Variants in POLR1A observed in about 807,000 individuals in gnomAD.
POLR1A encodes the protein RNA polymerase I subunit A.
POLR1A carries 84 observed loss-of-function variants against 205.3 expected under a neutral mutation model. The observed-to-expected ratio is 0.41, with a 90% CI of 0.34 to 0.49. POLR1A has a LOEUF of 0.49. POLR1A is among the 20% of genes least tolerant of loss of function. POLR1A has a pLI of 0.22. For missense variants in POLR1A, 1,645 were observed against 2,204.5 expected (o/e 0.75, Z 5.08); for synonymous variants, 799 against 863.7 (o/e 0.93, Z 1.31).
intron 3 of POLR1A, among the ~76,000 whole-genome samples, chr2:86,092,686 G>A (rs1160953614): frequency 2.6e-5 from 4 of 152,156 alleles, no homozygotes; most frequent in Admixed American, 6.5e-5. Context: ...TTAGCTGGGC[G>A]TGGTAGCATA....
intron 13 of POLR1A, among the ~76,000 whole-genome samples, chr2:86,068,815 C>T (rs996486138): frequency 1.3e-5 from 2 of 152,188 alleles, no homozygotes; most frequent in South Asian, 2.1e-4. Context: ...GAAAAGGGTC[C>T]GGGATGCCGG....
chr2:86,099,350 C>T (rs1242786138), intron 2 of POLR1A, among the ~76,000 whole-genome samples: 2 of 144,038 alleles, frequency 1.4e-5, no homozygotes, highest in Non-Finnish European at 3.0e-5. Context: ...GAATGAGACA[C>T]TGTCTTAAAA....
chr2:86,033,889 G>T, intron 27 of POLR1A, 102 bp from the exon 28 acceptor site: 2 of 1,416,496 alleles, frequency 1.4e-6, no homozygotes, highest in South Asian at 2.6e-5. Context: ...CAGGGGATCA[G>T]TGCACGAGAT....
At chr2:86,086,944 C>A (rs1370720488) in intron 6 of POLR1A, among the ~76,000 whole-genome samples, 6 of 152,202 alleles carry the variant, frequency 3.9e-5, no homozygotes, top group African/African-American at 1.2e-4. Flanking sequence ...TCCACTCTTA[C>A]AGTGTTAACT....
At position 86,036,446 on chromosome 2, in the gene POLR1A, C is replaced by A. The variant is rs553099235; in HGVS notation, c.4034+2254G>T. Among the ~76,000 whole-genome samples, 6 of 151,820 alleles carry A rather than the reference C, an allele frequency of 4.0e-5. No individual in the cohort carries two copies. The South Asian group carries it at 8.3e-4, about 21-fold the overall frequency. On this transcript the variant is annotated intron_variant, in intron 27 of 33. Coordinates refer to ENST00000263857, the MANE Select transcript of POLR1A (RefSeq NM_015425.6). ...TTTTTCTCCAGGCTCTGTCAAGGGT[C>A]TCATGACTCCACAGCTGGGAGAAGG... is the stretch of plus-strand genomic sequence containing the variant.
At position 86,031,437 on chromosome 2, in the gene POLR1A, C is replaced by T; in HGVS notation, c.4471G>A (p.Glu1491Lys). The change falls in exon 30 of 34, where the codon GAG becomes AAG. Residue 1491 changes from glutamate (E) to lysine (K), a missense_variant. This residue lies in a region of POLR1A where 394 missense variants were observed against 468.5 expected (regional missense o/e 0.84). Transcript: ENST00000263857. ...TCCATGGCCTCGGGCCCCTGGGGCT[C>T]CTGGCTGTGGGTGGGTTTCCGGGGC... ...TQPRKPTHSQ[E>K]PQGPEAMERR... 1.9e-6 allele frequency: 3 copies of T among 1,614,062 alleles called. No individual in the cohort carries two copies. The highest frequency in any genetic ancestry group is 1.6e-4 in the Middle Eastern group (1 of 6,062).
At chr2:86,100,940 C>T (rs1420374867) in intron 1 of POLR1A, among the ~76,000 whole-genome samples, 1 of 152,078 alleles carries the variant, frequency 6.6e-6, no homozygotes, top group Non-Finnish European at 1.5e-5. Flanking sequence ...TGATTGAATC[C>T]AGGTGACACA....
At position 86,027,613 on chromosome 2, in the gene POLR1A, G is replaced by A. The variant is rs76172023; in HGVS notation, c.5063-90C>T. The A allele has an allele frequency of 8.1e-4, 959 of 1,185,230 alleles. 9 individuals are homozygous for A. The African/African-American group carries it at 0.013, about 16-fold the overall frequency. 73.4% of individuals were successfully genotyped at this position (1,185,230 alleles called of 1,614,324 possible). On this transcript the variant is annotated intron_variant, in intron 33 of 33. Coordinates refer to ENST00000263857, the MANE Select transcript of POLR1A (RefSeq NM_015425.6). ...TTATGGGGCTGAACACTGAAGTCTCGGGACTCAGGTGGGTCCTGAGTCTCT... is the reference window on the plus strand; with the variant it reads ...TTATGGGGCTGAACACTGAAGTCTCAGGACTCAGGTGGGTCCTGAGTCTCT...
At chr2:86,093,118 T>G (rs1012838051) in intron 3 of POLR1A, among the ~76,000 whole-genome samples, 1 of 152,212 alleles carries the variant, frequency 6.6e-6, no homozygotes, top group African/African-American at 2.4e-5. Context: ...TCTGAAAATT[T>G]CAGTATATAT....
intron 6 of POLR1A, among the ~76,000 whole-genome samples, chr2:86,083,730 C>T (rs1673444666): frequency 6.6e-6 from 1 of 152,076 alleles, no homozygotes; most frequent in African/African-American, 2.4e-5. Flanking sequence ...TCTTTATCTA[C>T]CTGTTTTTTA....
chr2:86,103,126 G>A (rs1469004605), intron 1 of POLR1A, among the ~76,000 whole-genome samples: 23 of 152,162 alleles, frequency 1.5e-4, no homozygotes, highest in Admixed American at 1.4e-3. Flanking sequence ...TCTGTTAGAC[G>A]GCAGAAAGGG....
At chr2:86,030,105 G>C in intron 31 of POLR1A, 91 bp downstream of exon 31, 1 of 1,036,136 alleles carries the variant, frequency 9.7e-7, no homozygotes, top group Non-Finnish European at 1.5e-6. Flanking sequence ...AGAGTAAATC[G>C]CGTAGAGCGA....
In POLR1A at chr2:86,081,595, T is replaced by C. The variant is rs768888232; in HGVS notation, c.923+6A>G. ...CAGGTGAAATAAGTTAATTAAAGGG[T>C]ATTACCTTGAGGGCGGCACCACCAA... On this transcript the variant is annotated splice_donor_region_variant and intron_variant, in intron 8 of 33. Coordinates refer to ENST00000263857, the MANE Select transcript of POLR1A (RefSeq NM_015425.6). 3.9e-6 allele frequency: 6 copies of C among 1,527,590 alleles called. No homozygotes were observed. Among genetic ancestry groups the C allele is most frequent in the Non-Finnish European group, 4.5e-6 (5 of 1,112,982 alleles). The allele number at this position is 1,527,590 out of a possible 1,614,324, so 94.6% of individuals were successfully genotyped here.
Position 86,052,835 on chromosome 2 carries a change from A to G in POLR1A, c.2374T>C (p.Tyr792His). Residue 792 changes from tyrosine (Y) to histidine (H), a missense_variant, in exon 16 of 34, where the codon TAC (tyrosine) becomes CAC (histidine). Tyr to His is a moderately conservative substitution (Grantham distance 83). Coordinates refer to ENST00000263857, the MANE Select transcript of POLR1A (RefSeq NM_015425.6). ...ARLFTAYLQL[Y>H]RGFTLGVEDI... ...CACTTACCCAAGGTGAAGCCTCTGT[A>G]GAGCTGCAGGTAGGCGGTGAAGAGG... 1.3e-6 allele frequency: 2 copies of G among 1,576,948 alleles called. No individual in the cohort carries two copies. The highest frequency in any genetic ancestry group is 2.3e-5 in the South Asian group (2 of 86,694).
chr2:86,097,986 T>C (rs1388158225), intron 3 of POLR1A, among the ~76,000 whole-genome samples: 1 of 152,194 alleles, frequency 6.6e-6, no homozygotes, highest in Non-Finnish European at 1.5e-5. Context: ...ACACCATCAC[T>C]ATGTACCCCA....
chr2:86,044,378 G>A (rs768047274), intron 21 of POLR1A, 74 bp from the exon 22 acceptor site: 4 of 1,529,656 alleles, frequency 2.6e-6, no homozygotes, highest in African/African-American at 2.7e-5. Context: ...AGGGTTGGGG[G>A]CAGTGGAGGG....
chr2:86,077,063 G>A (rs980177940), intron 11 of POLR1A, among the ~76,000 whole-genome samples: 1 of 152,212 alleles, frequency 6.6e-6, no homozygotes, highest in Non-Finnish European at 1.5e-5. Flanking sequence ...TGGGGACACA[G>A]GATGATCAGA....
intron 25 of POLR1A, 24 bp downstream of exon 25, chr2:86,040,368 C>G: frequency 6.4e-7 from 1 of 1,565,250 alleles, no homozygotes; most frequent in East Asian, 2.3e-5. Context: ...CAGACCCCAC[C>G]CTGTGCTCCC....
At chr2:86,063,171 A>G (rs1673026134) in intron 14 of POLR1A, among the ~76,000 whole-genome samples, 1 of 151,954 alleles carries the variant, frequency 6.6e-6, no homozygotes, top group Non-Finnish European at 1.5e-5. Flanking sequence ...CCCCATCTCT[A>G]CTAAAAATAC....
Sources: allele counts gnomAD v4.1 joint callset (sites outside exome capture counted in the v4.1 genomes callset), GRCh38; gene constraint gnomAD v4.1.1; regional missense constraint gnomAD v4.1.1; transcripts MANE v1.5; gene names NCBI Gene and HGNC (gene_info 2026-07-23, HGNC 2026-07-21).